Variants in LDLRAD4 observed in about 807,000 individuals in gnomAD.
LDLRAD4 encodes low-density lipoprotein receptor class A domain-containing protein 4.
In LDLRAD4, 5 loss-of-function variants were observed where a neutral mutation model predicts 17.0. That is an observed-to-expected ratio of 0.29 (90% CI 0.15 to 0.62). The LOEUF (loss-of-function observed/expected upper bound fraction) is 0.62. Ranked by LOEUF, LDLRAD4 falls within the 20% of genes least tolerant of loss-of-function variation. The pLI is 0.84. For missense variants in LDLRAD4, 340 were observed against 424.7 expected (o/e 0.80, Z 1.75); for synonymous variants, 168 against 171.8 (o/e 0.98, Z 0.17).
intron 3 of LDLRAD4, among the ~76,000 whole-genome samples, chr18:13,524,763 T>G (rs1042744790): frequency 2.6e-5 from 4 of 152,262 alleles, no homozygotes; most frequent in African/African-American, 4.8e-5. Flanking sequence ...TGTGGCTTCA[T>G]GCAGGGTCCC....
intron 3 of LDLRAD4, chr18:13,487,088 A>G (rs968671102): frequency 6.6e-6 from 1 of 152,312 alleles, no homozygotes; most frequent in Non-Finnish European, 1.5e-5. Context: ...AAGTTTTATA[A>G]TAGTTTTAAA....
chr18:13,266,224 C>A (rs923419986), intron 1 of LDLRAD4, among the ~76,000 whole-genome samples: 3 of 152,228 alleles, frequency 2.0e-5, no homozygotes, highest in Non-Finnish European at 2.9e-5. Context: ...GCTCCCCCGA[C>A]TTCTTCCTGT....
chr18:13,347,380 A>G (rs1379292900), intron 1 of LDLRAD4, among the ~76,000 whole-genome samples: 3 of 152,150 alleles, frequency 2.0e-5, no homozygotes, highest in Non-Finnish European at 2.9e-5. Flanking sequence ...TCTTTTCTTT[A>G]AGAATGTTGA....
chr18:13,432,620 A>G (rs1371185108), intron 2 of LDLRAD4, among the ~76,000 whole-genome samples: 1 of 152,162 alleles, frequency 6.6e-6, no homozygotes, highest in Non-Finnish European at 1.5e-5. Context: ...TTTAGAGATG[A>G]GTTCTTTGCA....
chr18:13,419,456 G>A (rs1450991038), intron 2 of LDLRAD4: 1 of 152,116 alleles, frequency 6.6e-6, no homozygotes, highest in Non-Finnish European at 1.5e-5. Flanking sequence ...GGCTACAGGA[G>A]GCTGGGGTGC....
chr18:13,641,880 C>A (rs1234241531), intron 4 of LDLRAD4: 1 of 985,380 alleles, frequency 1.0e-6, no homozygotes, highest in Non-Finnish European at 1.2e-6. Flanking sequence ...AACCGCTCAG[C>A]CCCTCTGAGT....
At chr18:13,602,533 C>G (rs1358278115) in intron 3 of LDLRAD4, among the ~76,000 whole-genome samples, 1 of 127,378 alleles carries the variant, frequency 7.9e-6, no homozygotes, top group African/African-American at 3.0e-5. Context: ...GAGTCTCACT[C>G]TGTCACCCAG....
intron 3 of LDLRAD4, among the ~76,000 whole-genome samples, chr18:13,547,482 C>T (rs577847718): frequency 6.6e-6 from 1 of 152,288 alleles, no homozygotes; most frequent in East Asian, 1.9e-4. Context: ...CCACTGGGCT[C>T]GTTCTGCCCA....
chr18:13,381,192 C>G (rs1429532323), intron 1 of LDLRAD4, among the ~76,000 whole-genome samples: 1 of 151,156 alleles, frequency 6.6e-6, no homozygotes, highest in Non-Finnish European at 1.5e-5. Flanking sequence ...GTCCTCCTGC[C>G]TCAGCCTCCC....
intron 3 of LDLRAD4, among the ~76,000 whole-genome samples, chr18:13,501,613 G>A (rs1312053774): frequency 6.6e-6 from 1 of 151,514 alleles, no homozygotes; most frequent in East Asian, 1.9e-4. Flanking sequence ...CTTGTAGGGT[G>A]TGTTGTGAAA....
At chr18:13,540,325 A>G (rs1236222972) in intron 3 of LDLRAD4, among the ~76,000 whole-genome samples, 1 of 152,252 alleles carries the variant, frequency 6.6e-6, no homozygotes, top group Non-Finnish European at 1.5e-5. Context: ...GAATAAACAC[A>G]GGGACTCAAT....
chr18:13,314,162 G>A (rs2080809220), intron 1 of LDLRAD4, among the ~76,000 whole-genome samples: 1 of 152,180 alleles, frequency 6.6e-6, no homozygotes, highest in Non-Finnish European at 1.5e-5. Context: ...GGCCCGAGGG[G>A]AGATAACTTA....
Position 13,351,760 on chromosome 18 carries a change from T to C in LDLRAD4, c.-382-35581T>C, listed in dbSNP as rs1338421709. On this transcript the variant is annotated intron_variant, in intron 1 of 5. Coordinates refer to ENST00000359446, the Ensembl canonical transcript of LDLRAD4. ...AGAAGGGACTCCTCCTTAACTCATTTTATGAGGCCAGCATCATCCTGATAC... is the reference window on the plus strand; with the variant it reads ...AGAAGGGACTCCTCCTTAACTCATTCTATGAGGCCAGCATCATCCTGATAC... 4.6e-5 allele frequency among the ~76,000 whole-genome samples: 7 copies of C among 152,164 alleles called. 1 individual carries two copies. Among genetic ancestry groups the C allele is most frequent in the African/African-American group, 1.7e-4 (7 of 41,434 alleles).
At chr18:13,410,225 G>A (rs1056608044) in intron 2 of LDLRAD4, among the ~76,000 whole-genome samples, 1 of 151,840 alleles carries the variant, frequency 6.6e-6, no homozygotes, top group African/African-American at 2.4e-5. Flanking sequence ...CAGGCTCCTA[G>A]ATGGGATCCT....
chr18:13,243,034 A>G (rs1194024648), intron 1 of LDLRAD4, among the ~76,000 whole-genome samples: 2 of 152,104 alleles, frequency 1.3e-5, no homozygotes, highest in Non-Finnish European at 2.9e-5. Context: ...TCCACATCTC[A>G]GTTCTGCAGC....
chr18:13,391,020 A>G (rs1218836004), intron 2 of LDLRAD4, among the ~76,000 whole-genome samples: 1 of 152,146 alleles, frequency 6.6e-6, no homozygotes, highest in Non-Finnish European at 1.5e-5. Context: ...GTAGCTTTAG[A>G]AGGAGGCGCT....
chr18:13,305,566 C>T (rs1359222895), intron 1 of LDLRAD4, among the ~76,000 whole-genome samples: 1 of 152,166 alleles, frequency 6.6e-6, no homozygotes, highest in Non-Finnish European at 1.5e-5. Context: ...AACATGGGAC[C>T]CAAACCCATA....
chr18:13,430,189 ACCT>A (rs1454439096), intron 2 of LDLRAD4, among the ~76,000 whole-genome samples: 1 of 151,898 alleles, frequency 6.6e-6, no homozygotes, highest in Non-Finnish European at 1.5e-5. Context: ...TGCTGTCAAC[ACCT>A]GTGCATCTGC....
chr18:13,449,580 C>T (rs1349854632), intron 3 of LDLRAD4, among the ~76,000 whole-genome samples: 1 of 152,248 alleles, frequency 6.6e-6, no homozygotes, highest in East Asian at 1.9e-4. Context: ...CCCTGTCTTC[C>T]TGCGGGCGTG....
Sources: allele counts gnomAD v4.1 joint callset (sites outside exome capture counted in the v4.1 genomes callset), GRCh38; gene constraint gnomAD v4.1.1; transcripts MANE v1.5; gene names NCBI Gene and HGNC (gene_info 2026-07-23, HGNC 2026-07-21).